SETD1B: variants seen among roughly 807,000 people sequenced by gnomAD.
The protein encoded by SETD1B is SET domain containing 1B, histone lysine methyltransferase.
SETD1B carries 7 observed loss-of-function variants against 148.0 expected under a neutral mutation model. That is an observed-to-expected ratio of 0.05 (90% CI 0.03 to 0.09). The LOEUF is 0.09. Among genes scored for constraint, SETD1B ranks in the 10% least tolerant of loss-of-function variants. The pLI is 1.00. For missense variants in SETD1B, 2,155 were observed against 2,729.9 expected (o/e 0.79, Z 4.69); for synonymous variants, 1,361 against 1,186.5 (o/e 1.15, Z -3.02).
At chr12:121,807,162 C>A (rs1352041383) in intron 4 of SETD1B, among the ~76,000 whole-genome samples, 1 of 152,158 alleles carries the variant, frequency 6.6e-6, no homozygotes, top group Non-Finnish European at 1.5e-5. Flanking sequence ...GAGCTCTAAG[C>A]CGGTGCCGGG....
At chr12:121,827,452 A>G (rs1876894225) in intron 13 of SETD1B, 67 bp from the exon 14 acceptor site, 29 of 1,458,832 alleles carry the variant, frequency 2.0e-5, no homozygotes, top group Non-Finnish European at 2.6e-5. Context: ...ACAGAGATCC[A>G]GAGCCTAGGG....
At chr12:121,820,682 C>T (rs1162063805) in intron 11 of SETD1B, among the ~76,000 whole-genome samples, 2 of 152,172 alleles carry the variant, frequency 1.3e-5, no homozygotes, top group Non-Finnish European at 2.9e-5. Flanking sequence ...TACAGGCACT[C>T]GCCACCACAC....
intron 14 of SETD1B, 25 bp downstream of exon 14, chr12:121,827,675 G>C: frequency 1.3e-6 from 2 of 1,551,500 alleles, no homozygotes; most frequent in Middle Eastern, 3.3e-4. Context: ...CACCCAGATC[G>C]CCGGGGTGGC....
the SETD1B span, among the ~76,000 whole-genome samples, chr12:121,792,792 G>A: frequency 6.6e-6 from 1 of 152,234 alleles, no homozygotes; most frequent in Non-Finnish European, 1.5e-5. Context: ...ACTCAAATCT[G>A]CAGCTCACAG....
At chr12:121,793,040 G>A in the SETD1B span, 2 of 935,882 alleles carry the variant, frequency 2.1e-6, no homozygotes, top group Non-Finnish European at 3.2e-6. Context: ...TGAAGAGCCG[G>A]CCAAGGCCCT....
Position 121,817,713 on chromosome 12 carries a change from C to G in SETD1B, c.3312+9C>G, listed in dbSNP as rs1453504391. 5 of 1,541,644 alleles carry G rather than the reference C, an allele frequency of 3.2e-6. No homozygotes were observed. In the South Asian group the frequency reaches 3.6e-5, roughly 11 times the overall value. On this transcript the variant is annotated intron_variant, in intron 9 of 16. Transcript: ENST00000604567. The surrounding 1 kb of genome is among the most constrained non-coding windows in gnomAD (Gnocchi z 8.1). ...CATCCACATCAGATAAGGTGCCTAG[C>G]AGGCCAGGAAGCCTCAGGGGGCCGG...
chr12:121,814,443 C>T lies in SETD1B; in HGVS notation c.2228C>T (p.Pro743Leu). 1.4e-6 allele frequency: 2 copies of T among 1,443,450 alleles called. No homozygotes were observed. The highest frequency in any genetic ancestry group is 1.5e-5 in the South Asian group (1 of 68,102). The allele number at this position is 1,443,450 out of a possible 1,614,324, so 89.4% of individuals were successfully genotyped here. A position where few individuals can be genotyped will look rare whatever the true frequency, so the allele number is the denominator to read the frequency against. ...PPGVPPPPIL[P>L]PLPPFPPGLF... is the part of the protein sequence containing the mutation. ...GGAGTCCCGCCCCCACCCATCCTGC[C>T]ACCACTGCCCCCCTTTCCGCCGGGC... Residue 743 changes from proline (P) to leucine (L), a missense_variant, in exon 7 of 17, where the codon CCA becomes CTA. By Grantham distance (98) the Pro-to-Leu change is moderately conservative. This residue lies in a region of SETD1B where 295 missense variants were observed against 303.8 expected (regional missense o/e 0.97). Transcript: ENST00000604567.
chr12:121,830,230 C>T lies in SETD1B; in HGVS notation c.5892C>T (p.Thr1964=). 1.3e-6 allele frequency: 2 copies of T among 1,550,408 alleles called. No homozygotes were observed. The highest frequency in any genetic ancestry group is 1.7e-6 in the Non-Finnish European group (2 of 1,146,680). ...GTGGCTCCGAGAACTGCCGGGGGACCCTCAACTAGGCCCCGGCACCAGACT... is the reference window on the plus strand; with the variant it reads ...GTGGCTCCGAGAACTGCCGGGGGACTCTCAACTAGGCCCCGGCACCAGACT... The part of the protein sequence containing the change: ...CLCGSENCRG[T]LN Residue 1964 remains threonine (T), a synonymous_variant, in exon 17 of 17, where the codon ACC becomes ACT. Coordinates refer to ENST00000604567, the MANE Select transcript of SETD1B (RefSeq NM_001353345.2). The surrounding 1 kb of genome is among the most constrained non-coding windows in gnomAD (Gnocchi z 5.7).
chr12:121,829,479 C>T (rs535505146), intron 16 of SETD1B, among the ~76,000 whole-genome samples: 1 of 152,314 alleles, frequency 6.6e-6, no homozygotes, highest in Admixed American at 6.5e-5. Context: ...AGGAGCAGAT[C>T]ATGCTTTAGG....
At position 121,808,218 on chromosome 12, in the gene SETD1B, A is replaced by C. The variant is rs1408777593; in HGVS notation, c.555A>C (p.Arg185=). Residue 185 remains arginine (R), a synonymous_variant, in exon 5 of 17, where the codon CGA becomes CGC. Coordinates refer to ENST00000604567, the MANE Select transcript of SETD1B (RefSeq NM_001353345.2). The surrounding 1 kb of genome is among the most constrained non-coding windows in gnomAD (Gnocchi z 5.3). ...HVELDTKGET[R]MRFYELLVTG... ...CCTGCCCATCTACAGGGGAAACCCG[A>C]ATGCGGTTCTATGAACTGTTGGTCA... 1 of 1,551,194 alleles carries C rather than the reference A, an allele frequency of 6.4e-7. No homozygotes were observed.
chr12:121,827,846 A>G lies in SETD1B; in HGVS notation c.5581A>G (p.Ile1861Val). The G allele has an allele frequency of 6.4e-7, 1 of 1,558,950 alleles. No individual in the cohort carries two copies. The highest frequency in any genetic ancestry group is 1.4e-5 in the African/African-American group (1 of 73,494). The change falls in exon 15 of 17, where the codon ATC becomes GTC. Residue 1861 changes from isoleucine to valine, a missense_variant. Physicochemically the swap from Ile to Val is conservative, Grantham distance 29 (BLOSUM62 3). Transcript: ENST00000604567. ...EMVIEYVGQN[I>V]RQVIADMREK... ...GGTCATCGAGTACGTGGGCCAGAAT[A>G]TCCGTCAGGTAGGCACCGCCCGGCA...
chr12:121,831,038 C>T lies in SETD1B; in HGVS notation c.*799C>T, dbSNP rs1210264264. The T allele has an allele frequency of 6.6e-6, 1 of 152,362 alleles. No individual in the cohort carries two copies. The highest frequency in any genetic ancestry group is 1.5e-5 in the Non-Finnish European group (1 of 68,160). 9.4% of individuals were successfully genotyped at this position (152,362 alleles called of 1,614,324 possible). ...AAACCTTGGGTTCAATGTTTACTTT[C>T]TCATTCGGATGCCAGCAACGCGGGA... On this transcript the variant is annotated 3_prime_UTR_variant, in exon 17 of 17. Coordinates refer to ENST00000604567, the MANE Select transcript of SETD1B (RefSeq NM_001353345.2).
At chr12:121,821,817 G>C (rs2137576142) in intron 11 of SETD1B, among the ~76,000 whole-genome samples, 1 of 152,308 alleles carries the variant, frequency 6.6e-6, no homozygotes, top group Middle Eastern at 3.4e-3. Flanking sequence ...CGGGCATGGT[G>C]GCTCACATCT....
chr12:121,829,305 C>G (rs1042261174), intron 16 of SETD1B, among the ~76,000 whole-genome samples: 105 of 152,262 alleles, frequency 6.9e-4, no homozygotes, highest in African/African-American at 2.3e-3. Context: ...TGATGGGGGC[C>G]TGAGCGTGGC....
the SETD1B span, chr12:121,795,821 T>C: frequency 6.5e-6 from 1 of 152,808 alleles, no homozygotes; most frequent in African/African-American, 2.4e-5. Context: ...CAGACCTCAG[T>C]GTCCACTTTC....
At chr12:121,825,476 GCTGGCACACAGAGGGTGCAAGTGGAA>G in intron 13 of SETD1B, 110 bp downstream of exon 13, 4 of 1,037,702 alleles carry the variant, frequency 3.9e-6, no homozygotes, top group Non-Finnish European at 2.7e-6. Context: ...GGCCAGAGGG[GCTGGCACACAGAGGGTGCAAGTGGAA>G]GGGGAGAGGC....
At chr12:121,799,746 C>CGGGG (rs1875231525), upstream of SETD1B, 2 of 65,862 alleles carry the variant, frequency 3.0e-5, no homozygotes, top group African/African-American at 8.6e-5. Context: ...TGGGGCGGGG[C>CGGGG]CGCAGAACCA....
chr12:121,793,275 G>T, the SETD1B span: 3 of 1,526,884 alleles, frequency 2.0e-6, no homozygotes, highest in Non-Finnish European at 2.7e-6. Context: ...CCTTAGTGGG[G>T]CCGGCGGGGG....
In SETD1B at chr12:121,820,335, A is replaced by G. The variant is rs140749416; in HGVS notation, c.3910+440A>G. Among the ~76,000 whole-genome samples the G allele has an allele frequency of 1.1e-4, 16 of 152,328 alleles. No homozygotes were observed. The East Asian group carries it at 1.5e-3, about 15-fold the overall frequency. ...CAGAGCATATGAGAACTCTAACTGC[A>G]TGGCCAGTAGAACTTTCCACAGTGA... On this transcript the variant is annotated intron_variant, in intron 11 of 16. Transcript: ENST00000604567.
Sources: gnomAD v4.1 joint callset for allele counts (sites outside exome capture counted in the v4.1 genomes callset) on GRCh38, gnomAD v4.1.1 for gene constraint, gnomAD v4.1.1 regional missense constraint, Gnocchi (gnomAD v3.1) non-coding constraint, MANE v1.5 for transcripts, NCBI Gene and HGNC (gene_info 2026-07-23, HGNC 2026-07-21) for gene names.